SAMMSON: variants seen among roughly 807,000 people sequenced by gnomAD.
SAMMSON encodes the protein survival associated mitochondrial melanoma specific oncogenic non-coding RNA, also known as long intergenic non-protein coding RNA 1212.
At chr3:70,254,136 C>T (rs902238192) in intron 6 of SAMMSON, among the ~76,000 whole-genome samples, 2 of 72,104 alleles carry the variant, frequency 2.8e-5, no homozygotes, top group African/African-American at 5.2e-5. Context: ...CATAACAAAA[C>T]CCAGTTCCAA....
rs71298325 is a variant in SAMMSON, at chr3:70,098,456, C to A, written n.507+26891C>A. On this transcript the variant is annotated intron_variant and non_coding_transcript_variant, in intron 4 of 9. Coordinates refer to ENST00000642114, the Ensembl canonical transcript of SAMMSON. ...AGTCTCGGCTCACTGCAACTTCCACCTCCCTGGTTCAAGCAATTCTCCTGC... is the reference window on the plus strand; with the variant it reads ...AGTCTCGGCTCACTGCAACTTCCACATCCCTGGTTCAAGCAATTCTCCTGC... 2.1e-3 allele frequency among the ~76,000 whole-genome samples: 327 copies of A among 152,142 alleles called. 2 individuals carry two copies. Among genetic ancestry groups the A allele is most frequent in the South Asian group, 0.011 (53 of 4,812 alleles).
At chr3:70,286,287 T>A (rs1292908950) in intron 6 of SAMMSON, among the ~76,000 whole-genome samples, 2 of 152,190 alleles carry the variant, frequency 1.3e-5, no homozygotes, top group African/African-American at 4.8e-5. Context: ...GGCTAGCCAG[T>A]TTTCCCAGCA....
At chr3:70,356,562 A>G (rs991529957) in intron 8 of SAMMSON, among the ~76,000 whole-genome samples, 4 of 152,170 alleles carry the variant, frequency 2.6e-5, no homozygotes, top group African/African-American at 7.2e-5. Context: ...CCACTGAGAG[A>G]TGTCAGCTCC....
intron 3 of SAMMSON, chr3:70,014,995 T>C (rs1213967895): frequency 3.3e-5 from 5 of 152,210 alleles, no homozygotes; most frequent in African/African-American, 1.2e-4. Flanking sequence ...TAAAACCATC[T>C]TGGGGCCAGG....
At chr3:70,075,605 T>G (rs118037966) in intron 4 of SAMMSON, among the ~76,000 whole-genome samples, 1 of 152,162 alleles carries the variant, frequency 6.6e-6, no homozygotes, top group African/African-American at 2.4e-5. Context: ...TCAATTGGTT[T>G]GTGGTTTATT....
chr3:70,015,455 T>C (rs769610691), intron 3 of SAMMSON: 2 of 151,606 alleles, frequency 1.3e-5, no homozygotes, highest in Non-Finnish European at 2.9e-5. Context: ...ACAGGGAAAA[T>C]CAACCTATAC....
chr3:70,371,179 A>G (rs185684875), intron 9 of SAMMSON, among the ~76,000 whole-genome samples: 1 of 151,984 alleles, frequency 6.6e-6, no homozygotes, highest in African/African-American at 2.4e-5. Flanking sequence ...CTTTGTGTCT[A>G]TTTTTATACC....
At chr3:70,176,549 G>A (rs1161749937) in intron 4 of SAMMSON, among the ~76,000 whole-genome samples, 1 of 152,068 alleles carries the variant, frequency 6.6e-6, no homozygotes, top group Non-Finnish European at 1.5e-5. Context: ...TGTTCTATGA[G>A]TTGTTATTAA....
At chr3:70,214,281 G>A (rs916485795) in intron 4 of SAMMSON, among the ~76,000 whole-genome samples, 1 of 152,058 alleles carries the variant, frequency 6.6e-6, no homozygotes, top group Non-Finnish European at 1.5e-5. Context: ...TCAAGTTAAA[G>A]TCACAGTCGT....
At chr3:70,114,241 T>A (rs1014636572) in intron 4 of SAMMSON, among the ~76,000 whole-genome samples, 3 of 152,174 alleles carry the variant, frequency 2.0e-5, no homozygotes, top group African/African-American at 7.2e-5. Flanking sequence ...ATAATGAGAA[T>A]GTTTGAAACC....
In SAMMSON at chr3:70,107,548, G is replaced by C. The variant is rs558260143; in HGVS notation, n.507+35983G>C. Reference sequence around the variant, plus strand: ...TTAATTTAGTAGAGAGCAGGGAGCTGTTCTTTACCCAACCCTCTTGTTCTC... The same window carrying C: ...TTAATTTAGTAGAGAGCAGGGAGCTCTTCTTTACCCAACCCTCTTGTTCTC... On this transcript the variant is annotated intron_variant and non_coding_transcript_variant, in intron 4 of 9. Coordinates refer to ENST00000642114, the Ensembl canonical transcript of SAMMSON. Among the ~76,000 whole-genome samples the C allele has an allele frequency of 2.0e-5, 3 of 150,782 alleles. No homozygotes were observed. The East Asian group carries it at 5.9e-4, about 29-fold the overall frequency.
rs1235603639 is a variant in SAMMSON, at chr3:70,238,065, C to T, written n.508-11042C>T. On this transcript the variant is annotated intron_variant and non_coding_transcript_variant, in intron 4 of 9. Transcript: ENST00000642114. ...TGTACTTTATAGTGACGAACCTATT[C>T]TTTATACCTTGAGTGGAAATGGCTT... Among the ~76,000 whole-genome samples, 13 of 127,012 alleles carry T rather than the reference C, an allele frequency of 1.0e-4. 1 individual carries two copies. The South Asian group carries it at 3.5e-3, about 34-fold the overall frequency. 83.3% of individuals were successfully genotyped at this position (127,012 alleles called of 152,430 possible).
intron 7 of SAMMSON, among the ~76,000 whole-genome samples, chr3:70,313,981 G>T (rs182231643): frequency 1.3e-5 from 2 of 152,116 alleles, no homozygotes; most frequent in African/African-American, 4.8e-5. Flanking sequence ...GTTCCTTGGA[G>T]GGACTTGCTT....
chr3:70,244,802 CTA>C (rs1701691289), intron 4 of SAMMSON, among the ~76,000 whole-genome samples: 1 of 152,206 alleles, frequency 6.6e-6, no homozygotes, highest in African/African-American at 2.4e-5. Flanking sequence ...ACATACGTCT[CTA>C]TGTATATATC....
At chr3:70,413,399 G>A (rs1414818981) in intron 2 of SAMMSON, among the ~76,000 whole-genome samples, 1 of 152,124 alleles carries the variant, frequency 6.6e-6, no homozygotes, top group Non-Finnish European at 1.5e-5. Flanking sequence ...AGCTCAAGTG[G>A]ATTCATGCAA....
chr3:70,194,903 G>T (rs2106714542), intron 4 of SAMMSON, among the ~76,000 whole-genome samples: 1 of 152,260 alleles, frequency 6.6e-6, no homozygotes, highest in African/African-American at 2.4e-5. Flanking sequence ...TGGGTGCTCA[G>T]AGAGGAGCCA....
chr3:70,415,044 A>G (rs996271846), intron 2 of SAMMSON, among the ~76,000 whole-genome samples: 1 of 152,080 alleles, frequency 6.6e-6, no homozygotes, highest in African/African-American at 2.4e-5. Flanking sequence ...GAGAGAAACT[A>G]TAGCAATTAC....
chr3:70,162,235 G>T (rs2067618467), intron 4 of SAMMSON, among the ~76,000 whole-genome samples: 1 of 151,578 alleles, frequency 6.6e-6, no homozygotes, highest in Non-Finnish European at 1.5e-5. Flanking sequence ...TTAGTAAATT[G>T]CTTTGAGATC....
intron 4 of SAMMSON, among the ~76,000 whole-genome samples, chr3:70,243,839 T>C (rs940857297): frequency 6.6e-6 from 1 of 152,200 alleles, no homozygotes; most frequent in Non-Finnish European, 1.5e-5. Flanking sequence ...GAGAGCTTTG[T>C]GTCTAGGAGG....
Sources: allele counts gnomAD v4.1 joint callset (sites outside exome capture counted in the v4.1 genomes callset), GRCh38; gene constraint gnomAD v4.1.1; transcripts MANE v1.5; gene names NCBI Gene and HGNC (gene_info 2026-07-23, HGNC 2026-07-21).